CFAP54: variants seen among roughly 807,000 people sequenced by gnomAD.
CFAP54 encodes the protein cilia and flagella associated protein 54.
In CFAP54, 290 loss-of-function variants were observed where a neutral mutation model predicts 370.4. The observed-to-expected ratio is 0.78, with a 90% CI of 0.71 to 0.86. The LOEUF is 0.86. Among genes scored for constraint, CFAP54 ranks in the 40% least tolerant of loss-of-function variants. The probability of loss-of-function intolerance (pLI) is 0.00; values close to 1 mark genes in which losing one functional copy is unlikely to be tolerated. For synonymous variants in CFAP54, 1,206 were observed against 1,236.5 expected, an observed-to-expected ratio of 0.98 and a Z score of 0.52; for missense variants, 3,399 against 3,528.7, an observed-to-expected ratio of 0.96 and a Z score of 0.93.
intron 29 of CFAP54, 114 bp downstream of exon 29, chr12:96,625,921 T>C (rs1455063438): frequency 2.5e-6 from 2 of 785,886 alleles, no homozygotes; most frequent in Non-Finnish European, 4.0e-6. Flanking sequence ...TCAGGCAGAA[T>C]ATTTTGAATT....
intron 63 of CFAP54, among the ~76,000 whole-genome samples, chr12:96,793,631 A>G (rs1277258876): frequency 6.6e-6 from 1 of 152,136 alleles, no homozygotes; most frequent in African/African-American, 2.4e-5. Context: ...GAATTTCCAC[A>G]CTGTTTTCCA....
chr12:96,742,825 G>A (rs150089146), intron 52 of CFAP54, among the ~76,000 whole-genome samples: 18 of 152,184 alleles, frequency 1.2e-4, no homozygotes, highest in African/African-American at 3.9e-4. Context: ...TTCATAATAC[G>A]AATGACCAGG....
At chr12:96,663,034 CCTT>C (rs1423453461) in intron 38 of CFAP54, among the ~76,000 whole-genome samples, 1 of 152,030 alleles carries the variant, frequency 6.6e-6, no homozygotes, top group Admixed American at 6.6e-5. Context: ...CTACATCATC[CCTT>C]CTTCTTGTAA....
intron 61 of CFAP54, among the ~76,000 whole-genome samples, chr12:96,785,952 C>T (rs1199575540): frequency 1.3e-5 from 2 of 152,158 alleles, no homozygotes; most frequent in Non-Finnish European, 2.9e-5. Flanking sequence ...CCTCACTGCC[C>T]AAGGCTGTAG....
chr12:96,665,745 G>A (rs894708290), intron 39 of CFAP54, among the ~76,000 whole-genome samples: 1 of 152,172 alleles, frequency 6.6e-6, no homozygotes, highest in African/African-American at 2.4e-5. Flanking sequence ...TTTGAAGTCA[G>A]GTAGTGTGAT....
At chr12:96,490,750 CTATT>C (rs1284420932) in intron 1 of CFAP54, among the ~76,000 whole-genome samples, 8 of 151,906 alleles carry the variant, frequency 5.3e-5, no homozygotes, top group South Asian at 2.1e-4. Flanking sequence ...CATATAACAA[CTATT>C]TATTGAGCAC....
intron 60 of CFAP54, among the ~76,000 whole-genome samples, chr12:96,773,267 G>A (rs977730319): frequency 6.6e-6 from 1 of 151,756 alleles, no homozygotes; most frequent in Non-Finnish European, 1.5e-5. Context: ...TCAGGAATTT[G>A]TCTGAAGAAT....
chr12:96,518,338 C>A (rs1329647461), intron 5 of CFAP54, among the ~76,000 whole-genome samples: 1 of 152,100 alleles, frequency 6.6e-6, no homozygotes, highest in Non-Finnish European at 1.5e-5. Context: ...GAGTTAATTC[C>A]TAGACTACTG....
intron 66 of CFAP54, among the ~76,000 whole-genome samples, chr12:96,846,016 A>T (rs541199140): frequency 2.0e-5 from 3 of 152,236 alleles, no homozygotes; most frequent in Non-Finnish European, 4.4e-5. Flanking sequence ...TTATGAACGA[A>T]ATAAAACTCC....
intron 22 of CFAP54, among the ~76,000 whole-genome samples, chr12:96,581,549 C>T (rs915554314): frequency 6.6e-6 from 1 of 151,892 alleles, no homozygotes; most frequent in Non-Finnish European, 1.5e-5. Flanking sequence ...TACAATGTAC[C>T]GGATAGCCCG....
chr12:96,762,731 T>C (rs1958353054), intron 58 of CFAP54, among the ~76,000 whole-genome samples: 1 of 152,230 alleles, frequency 6.6e-6, no homozygotes, highest in Non-Finnish European at 1.5e-5. Context: ...AAGTTAGCAA[T>C]TGTTACTCCA....
intron 38 of CFAP54, among the ~76,000 whole-genome samples, chr12:96,660,318 T>G (rs111550783): frequency 3.9e-5 from 6 of 152,300 alleles, no homozygotes; most frequent in Admixed American, 6.5e-5. Context: ...TTTTGTTGCT[T>G]CTTCTTCTCC....
chr12:96,548,707 A>G (rs1055571951), intron 15 of CFAP54, among the ~76,000 whole-genome samples: 8 of 152,162 alleles, frequency 5.3e-5, no homozygotes, highest in African/African-American at 1.9e-4. Flanking sequence ...TGACATGCAT[A>G]AGAGATTGAG....
At position 96,553,045 on chromosome 12, in the gene CFAP54, T is replaced by C. The variant is rs567446393; in HGVS notation, c.2155-1137T>C. 1.6e-3 allele frequency among the ~76,000 whole-genome samples: 241 copies of C among 152,256 alleles called. 1 individual carries two copies. The highest frequency in any genetic ancestry group is 5.5e-3 in the African/African-American group (230 of 41,552). On this transcript the variant is annotated intron_variant, in intron 15 of 67. Coordinates refer to ENST00000524981, the MANE Select transcript of CFAP54 (RefSeq NM_001306084.2). ...AGGTTGTTGTCAGCTGCCTCCTAGATTCTTAGGTTCACAGAGGCTTCTGAG... is the reference window on the plus strand; with the variant it reads ...AGGTTGTTGTCAGCTGCCTCCTAGACTCTTAGGTTCACAGAGGCTTCTGAG...
rs767359270 is a variant in CFAP54, at chr12:96,658,258, G to T, written c.5372G>T (p.Arg1791Leu). 1 of 1,613,972 alleles carries T rather than the reference G, an allele frequency of 6.2e-7. No individual in the cohort carries two copies. Among genetic ancestry groups the T allele is most frequent in the South Asian group, 1.1e-5 (1 of 91,078 alleles). The change falls in exon 38 of 68, where the codon CGC becomes CTC. Residue 1791 changes from arginine to leucine, a missense_variant. This residue lies in a region of CFAP54 where 2,796 missense variants were observed against 2,869.7 expected (regional missense o/e 0.97). Coordinates refer to ENST00000524981, the MANE Select transcript of CFAP54 (RefSeq NM_001306084.2). ...QVTPLLVYAQ[R>L]QLLLRIQKFK... Reference sequence around the variant, plus strand: ...ACACCACTTCTGGTGTATGCACAGCGCCAGCTTCTGCTGAGAATACAGAAG... The same window carrying T: ...ACACCACTTCTGGTGTATGCACAGCTCCAGCTTCTGCTGAGAATACAGAAG...
intron 8 of CFAP54, among the ~76,000 whole-genome samples, chr12:96,526,734 CAA>C (rs1178094824): frequency 2.6e-5 from 4 of 152,124 alleles, no homozygotes; most frequent in African/African-American, 7.2e-5. Flanking sequence ...GAAGAAACAA[CAA>C]AGTCTTTGAT....
chr12:96,578,829 G>A (rs1956005557), intron 20 of CFAP54, among the ~76,000 whole-genome samples: 1 of 152,120 alleles, frequency 6.6e-6, no homozygotes, highest in South Asian at 2.1e-4. Flanking sequence ...ATCTACTTTT[G>A]TAGTTGAAAA....
intron 33 of CFAP54, chr12:96,646,930 C>T (rs1956800749): frequency 6.6e-6 from 1 of 152,058 alleles, no homozygotes; most frequent in South Asian, 2.1e-4. Context: ...GGAAGGGGAA[C>T]ATCACACACC....
intron 15 of CFAP54, 58 bp from the exon 16 acceptor site, chr12:96,554,124 T>G (rs1955726958): frequency 9.0e-7 from 1 of 1,107,710 alleles, no homozygotes; most frequent in Non-Finnish European, 1.3e-6. Flanking sequence ...AAATTGGAAG[T>G]GTTGCATTTG....
Sources: allele counts gnomAD v4.1 joint callset (sites outside exome capture counted in the v4.1 genomes callset), GRCh38; gene constraint gnomAD v4.1.1; regional missense constraint gnomAD v4.1.1; transcripts MANE v1.5; gene names NCBI Gene and HGNC (gene_info 2026-07-23, HGNC 2026-07-21).